The following BTBD9 variants were observed in gnomAD, a reference collection of about 807,000 sequenced individuals.
The protein encoded by BTBD9 is BTB domain containing 9, also known as BTB/POZ domain-containing protein 9.
Under a neutral mutation model 64.3 loss-of-function variants are expected in BTBD9, and 49 were observed. The ratio of observed to expected loss-of-function variants is 0.76; its 90% confidence interval spans 0.61 to 0.97. The LOEUF is 0.97. Among genes scored for constraint, BTBD9 ranks in the 50% least tolerant of loss-of-function variants. The probability of loss-of-function intolerance (pLI) is 0.00; values close to 1 mark genes in which losing one functional copy is unlikely to be tolerated. For missense variants in BTBD9, 598 were observed against 762.1 expected (o/e 0.78, Z 2.53); for synonymous variants, 260 against 274.7 (o/e 0.95, Z 0.53).
chr6:38,560,480 C>T (rs369786015), intron 6 of BTBD9, among the ~76,000 whole-genome samples: 1 of 152,024 alleles, frequency 6.6e-6, no homozygotes, highest in Admixed American at 6.6e-5. Flanking sequence ...AAAATATTTG[C>T]AAATTAATAA....
At chr6:38,604,334 T>C (rs1313618561) in intron 1 of BTBD9, among the ~76,000 whole-genome samples, 1 of 152,238 alleles carries the variant, frequency 6.6e-6, no homozygotes, top group Non-Finnish European at 1.5e-5. Context: ...AATAGTATCA[T>C]AAAAATATTT....
chr6:38,404,352 T>C (rs1329664776), intron 6 of BTBD9, among the ~76,000 whole-genome samples: 1 of 152,186 alleles, frequency 6.6e-6, no homozygotes, highest in Non-Finnish European at 1.5e-5. Context: ...CATAGCATGA[T>C]TTTGTGAGTC....
At chr6:38,463,748 T>C (rs1770210601) in intron 6 of BTBD9, among the ~76,000 whole-genome samples, 1 of 152,126 alleles carries the variant, frequency 6.6e-6, no homozygotes, top group South Asian at 2.1e-4. Context: ...AAAAGGTAAC[T>C]AGAATGGGCA....
At chr6:38,567,716 T>C (rs1775584589) in intron 6 of BTBD9, among the ~76,000 whole-genome samples, 1 of 152,206 alleles carries the variant, frequency 6.6e-6, no homozygotes, top group African/African-American at 2.4e-5. Context: ...TGAGCTAACC[T>C]TGTATCCACA....
At chr6:38,213,969 C>A (rs1279095294) in intron 9 of BTBD9, among the ~76,000 whole-genome samples, 7 of 151,256 alleles carry the variant, frequency 4.6e-5, no homozygotes, top group Non-Finnish European at 8.8e-5. Context: ...GCACTCCAGC[C>A]TGGGTGACAG....
At chr6:38,529,896 C>A (rs1773709673) in intron 6 of BTBD9, among the ~76,000 whole-genome samples, 2 of 152,120 alleles carry the variant, frequency 1.3e-5, no homozygotes, top group Admixed American at 1.3e-4. Flanking sequence ...GGGAAGACAA[C>A]CATAAGGTCT....
intron 7 of BTBD9, among the ~76,000 whole-genome samples, chr6:38,305,888 TG>T (rs1479286365): frequency 6.6e-6 from 1 of 152,244 alleles, no homozygotes; most frequent in African/African-American, 2.4e-5. Context: ...ATGTCACCAC[TG>T]GTTTACTAAT....
chr6:38,210,636 A>T (rs1359469953), intron 9 of BTBD9, among the ~76,000 whole-genome samples: 1 of 151,944 alleles, frequency 6.6e-6, no homozygotes, highest in Non-Finnish European at 1.5e-5. Flanking sequence ...AGTCAATCAA[A>T]TTAGTCTATG....
chr6:38,235,063 G>A (rs1367522490), intron 9 of BTBD9, among the ~76,000 whole-genome samples: 70 of 152,316 alleles, frequency 4.6e-4, no homozygotes, highest in Non-Finnish European at 1.5e-5. Context: ...TACATAGTGG[G>A]TACACAGTAA....
intron 9 of BTBD9, among the ~76,000 whole-genome samples, chr6:38,225,426 T>A (rs1181530991): frequency 6.6e-6 from 1 of 152,156 alleles, no homozygotes; most frequent in Non-Finnish European, 1.5e-5. Context: ...GCTTCCCCAG[T>A]GGTAAGATAT....
At chr6:38,395,200 G>A (rs1473033261) in intron 6 of BTBD9, among the ~76,000 whole-genome samples, 1 of 152,088 alleles carries the variant, frequency 6.6e-6, no homozygotes, top group Non-Finnish European at 1.5e-5. Flanking sequence ...GGAGGTTGAG[G>A]TGGGAGGATT....
chr6:38,179,921 G>A (rs1761471886), intron 10 of BTBD9: 2 of 430,764 alleles, frequency 4.6e-6, no homozygotes, highest in Non-Finnish European at 9.4e-6. Flanking sequence ...AAGGGAACGA[G>A]GAGAAGATTT....
At chr6:38,593,381 T>C (rs1482306096) in intron 3 of BTBD9, among the ~76,000 whole-genome samples, 1 of 152,202 alleles carries the variant, frequency 6.6e-6, no homozygotes, top group East Asian at 1.9e-4. Flanking sequence ...CAAATCAAGA[T>C]ATGTAGCTTT....
At chr6:38,290,230 T>A (rs1761907008) in intron 7 of BTBD9, among the ~76,000 whole-genome samples, 1 of 150,730 alleles carries the variant, frequency 6.6e-6, no homozygotes, top group South Asian at 2.1e-4. Context: ...TGAAGCTTAA[T>A]TCCAAAGCAA....
At chr6:38,277,665 G>A (rs1761332445) in intron 8 of BTBD9, among the ~76,000 whole-genome samples, 1 of 152,142 alleles carries the variant, frequency 6.6e-6, no homozygotes, top group Non-Finnish European at 1.5e-5. Flanking sequence ...CTGAGAATAA[G>A]AGAAAATATT....
intron 1 of BTBD9, among the ~76,000 whole-genome samples, chr6:38,637,069 C>A (rs1778551709): frequency 6.6e-6 from 1 of 152,194 alleles, no homozygotes; most frequent in African/African-American, 2.4e-5. Context: ...ATTTAACCCT[C>A]AGAGCTAAGC....
intron 1 of BTBD9, among the ~76,000 whole-genome samples, chr6:38,623,943 G>C (rs1018646177): frequency 1.3e-5 from 2 of 152,046 alleles, no homozygotes; most frequent in Admixed American, 1.3e-4. Flanking sequence ...ACAACTGCAG[G>C]GCCCCTTCTT....
chr6:38,344,400 C>T (rs188867262), intron 7 of BTBD9, among the ~76,000 whole-genome samples: 1 of 152,262 alleles, frequency 6.6e-6, no homozygotes, highest in East Asian at 1.9e-4. Flanking sequence ...GGCAGTATTT[C>T]CCACCAAATA....
chr6:38,286,578 T>C (rs1761735872), intron 8 of BTBD9, among the ~76,000 whole-genome samples: 1 of 151,950 alleles, frequency 6.6e-6, no homozygotes, highest in Non-Finnish European at 1.5e-5. Context: ...TCTTAGAACA[T>C]TAAATAATAA....
Sources: allele counts gnomAD v4.1 joint callset (sites outside exome capture counted in the v4.1 genomes callset), GRCh38; gene constraint gnomAD v4.1.1; transcripts MANE v1.5; gene names NCBI Gene and HGNC (gene_info 2026-07-23, HGNC 2026-07-21).